Variants in CHD7 observed in about 807,000 individuals in gnomAD.
CHD7 encodes chromodomain helicase DNA binding protein 7.
In CHD7, 24 loss-of-function variants were observed where a neutral mutation model predicts 307.3. The ratio of observed to expected loss-of-function variants is 0.08; its 90% confidence interval spans 0.06 to 0.11. The LOEUF (loss-of-function observed/expected upper bound fraction) is 0.11. CHD7 is among the 10% of genes least tolerant of loss of function. The probability of loss-of-function intolerance (pLI) is 1.00; values close to 1 mark genes in which losing one functional copy is unlikely to be tolerated. For synonymous variants in CHD7, 1,363 were observed against 1,349.9 expected (o/e 1.01, Z -0.21); for missense variants, 3,106 against 3,727.1 (o/e 0.83, Z 4.34).
intron 3 of CHD7, among the ~76,000 whole-genome samples, chr8:60,785,669 C>T (rs1441984419): frequency 6.6e-6 from 1 of 152,106 alleles, no homozygotes; most frequent in Non-Finnish European, 1.5e-5. Context: ...TTATGGTGTA[C>T]TCTTGTATAT....
chr8:60,810,380 A>AGTGT lies in CHD7; in HGVS notation c.2498+2135_2498+2138dup, dbSNP rs112629399. On this transcript the variant is annotated intron_variant, in intron 7 of 37. Coordinates refer to ENST00000423902, the MANE Select transcript of CHD7 (RefSeq NM_017780.4). The stretch of plus-strand genomic sequence containing the variant: ...GTGGATAGGACTGGGAGAGAGAGAG[A>AGTGT]GTGTGTGTGTGTGTGTGTGTGTGTG... Among the ~76,000 whole-genome samples, 699 of 146,068 alleles carry AGTGT rather than the reference A, an allele frequency of 4.8e-3. 6 individuals carry two copies. The highest frequency in any genetic ancestry group is 0.014 in the South Asian group (62 of 4,534).
chr8:60,766,453 A>G (rs1016069793), intron 2 of CHD7, among the ~76,000 whole-genome samples: 2 of 152,214 alleles, frequency 1.3e-5, no homozygotes, highest in Non-Finnish European at 2.9e-5. Context: ...TTGCATTTTG[A>G]AAGAATTGCT....
rs767819417 is a variant in CHD7 at position 60,741,647 on chromosome 8, A to G, written c.215A>G (p.Tyr72Cys). The G allele has an allele frequency of 6.2e-6, 10 of 1,613,704 alleles. No homozygotes were observed. Among genetic ancestry groups the G allele is most frequent in the Admixed American group, 3.3e-5 (2 of 59,984 alleles). Residue 72 changes from tyrosine to cysteine, a missense_variant, in exon 2 of 38, where the codon TAT (tyrosine) becomes TGT (cysteine). Around this residue, in one of 10 missense-constraint regions of CHD7, gnomAD observed 998 missense variants for 1,004.5 expected, o/e 0.99. Coordinates refer to ENST00000423902, the MANE Select transcript of CHD7 (RefSeq NM_017780.4). ...NQTKLTHFDHYNQYEQQKMHL... is the reference protein window; with the variant it reads ...NQTKLTHFDHCNQYEQQKMHL... ...ACAAAGCTGACACATTTTGATCACT[A>G]TAATCAGTATGAACAACAAAAGATG...
At chr8:60,685,526 G>A (rs1198777667) in intron 1 of CHD7, among the ~76,000 whole-genome samples, 2 of 152,200 alleles carry the variant, frequency 1.3e-5, no homozygotes, top group Non-Finnish European at 2.9e-5. Context: ...GTGGGTGGCA[G>A]GTCCCCCATG....
rs183360922 is a variant in CHD7, at chr8:60,685,355, C to G, written c.-175+6273C>G. On this transcript the variant is annotated intron_variant, in intron 1 of 37. Transcript: ENST00000423902. Reference sequence around the variant, plus strand: ...ACATAGCACTTTGCTTGTTACTTGCCTGATACATAGCACTTTGTAGGAGTT... The same window carrying G: ...ACATAGCACTTTGCTTGTTACTTGCGTGATACATAGCACTTTGTAGGAGTT... Among the ~76,000 whole-genome samples the G allele has an allele frequency of 3.5e-3, 529 of 152,322 alleles. 3 individuals carry two copies. The highest frequency in any genetic ancestry group is 4.8e-3 in the Non-Finnish European group (328 of 68,032).
At chr8:60,724,083 C>G (rs1808051735) in intron 1 of CHD7, among the ~76,000 whole-genome samples, 1 of 152,184 alleles carries the variant, frequency 6.6e-6, no homozygotes, top group Non-Finnish European at 1.5e-5. Context: ...TTTTAGCCCT[C>G]ATGTTCAATG....
chr8:60,860,982 C>G lies in CHD7; in HGVS notation c.7687C>G (p.Leu2563Val). Reference sequence around the variant, plus strand: ...AAGAAACATTCCTTCTCCCGGACAGCTGGACCCAGACACACGGATCCCTGT... The same window carrying G: ...AAGAAACATTCCTTCTCCCGGACAGGTGGACCCAGACACACGGATCCCTGT... Reference protein sequence around the residue: ...PTRNIPSPGQLDPDTRIPVIN... With the variant: ...PTRNIPSPGQVDPDTRIPVIN... The change falls in exon 35 of 38, where the codon CTG becomes GTG. Residue 2563 changes from leucine (L) to valine (V), a missense_variant. This residue lies in a region of CHD7 where 1,030 missense variants were observed against 1,165.4 expected (regional missense o/e 0.88). Coordinates refer to ENST00000423902, the MANE Select transcript of CHD7 (RefSeq NM_017780.4). The G allele has an allele frequency of 6.2e-7, 1 of 1,614,002 alleles. No homozygotes were observed. Among genetic ancestry groups the G allele is most frequent in the Middle Eastern group, 1.6e-4 (1 of 6,062 alleles).
At position 60,845,403 on chromosome 8, in the gene CHD7, G is replaced by A; in HGVS notation, c.5204G>A (p.Cys1735Tyr). 1 of 1,613,732 alleles carries A rather than the reference G, an allele frequency of 6.2e-7. No homozygotes were observed. Among genetic ancestry groups the A allele is most frequent in the Non-Finnish European group, 8.5e-7 (1 of 1,179,764 alleles). ...DSYKKHLKHH[C>Y]NKVLLRVRML... ...TACAAGAAACACCTGAAGCATCACT[G>A]TAACAAGTATGTTATTAGAGGGTGG... Residue 1735 changes from cysteine to tyrosine, a missense_variant, in exon 23 of 38, where the codon TGT (cysteine) becomes TAT (tyrosine). Physicochemically the swap from Cys to Tyr is radical, Grantham distance 194 (BLOSUM62 -2). Coordinates refer to ENST00000423902, the MANE Select transcript of CHD7 (RefSeq NM_017780.4).
Position 60,867,909 on chromosome 8 carries a change from C to G in CHD7, c.*1976C>G, listed in dbSNP as rs762991663. On this transcript the variant is annotated 3_prime_UTR_variant, in exon 38 of 38. Transcript: ENST00000423902. ...ATTTTTTGAAAGGGAATTATTTGAA[C>G]ACGGGAAAGTGAAACTAGGTCTGCA... The G allele has an allele frequency of 2.4e-4, 37 of 152,140 alleles. No individual in the cohort carries two copies. The highest frequency in any genetic ancestry group is 5.0e-4 in the Non-Finnish European group (34 of 68,030). 9.4% of individuals were successfully genotyped at this position (152,140 alleles called of 1,614,324 possible).
intron 2 of CHD7, among the ~76,000 whole-genome samples, chr8:60,774,348 A>G (rs933448073): frequency 6.6e-6 from 1 of 152,238 alleles, no homozygotes; most frequent in African/African-American, 2.4e-5. Flanking sequence ...GGAACTGAAG[A>G]TGAGGTATGT....
At chr8:60,846,113 G>A (rs1383027574) in intron 23 of CHD7, among the ~76,000 whole-genome samples, 2 of 152,136 alleles carry the variant, frequency 1.3e-5, no homozygotes, top group African/African-American at 4.8e-5. Flanking sequence ...ATCTGTTGAC[G>A]GACACTTGGG....
At chr8:60,849,411 A>G (rs1313938869) in intron 25 of CHD7, among the ~76,000 whole-genome samples, 4 of 152,234 alleles carry the variant, frequency 2.6e-5, no homozygotes, top group Non-Finnish European at 2.9e-5. Context: ...ATTTGTTTTA[A>G]TAATAGCCAA....
At chr8:60,847,418 C>G (rs1805260640) in intron 23 of CHD7, among the ~76,000 whole-genome samples, 1 of 152,200 alleles carries the variant, frequency 6.6e-6, no homozygotes, top group African/African-American at 2.4e-5. Context: ...TCAGTTTTCC[C>G]ATTTGAAAAC....
At position 60,837,674 on chromosome 8, in the gene CHD7, G is replaced by T; in HGVS notation, c.4192G>T (p.Ala1398Ser). 1 of 1,563,646 alleles carries T rather than the reference G, an allele frequency of 6.4e-7. No homozygotes were observed. Among genetic ancestry groups the T allele is most frequent in the Non-Finnish European group, 8.7e-7 (1 of 1,153,056 alleles). ...AATTTCATTTTTCTTCCAGGCTCAG[G>T]CTAGATGTCATAGAATAGGACAGAG... The part of the protein sequence containing the change: ...WNPQNDLQAQ[A>S]RCHRIGQSKS... Residue 1398 changes from alanine to serine, a missense_variant, in exon 18 of 38, where the codon GCT (alanine) becomes TCT (serine). Around this residue, in one of 10 missense-constraint regions of CHD7, gnomAD observed 93 missense variants for 176.4 expected, o/e 0.53. Transcript: ENST00000423902.
Position 60,844,989 on chromosome 8 carries a change from A to T in CHD7, c.4976A>T (p.Asn1659Ile). 1 of 1,613,994 alleles carries T rather than the reference A, an allele frequency of 6.2e-7. No homozygotes were observed. The highest frequency in any genetic ancestry group is 8.5e-7 in the Non-Finnish European group (1 of 1,179,886). Residue 1659 changes from asparagine (N) to isoleucine (I), a missense_variant, in exon 22 of 38, where the codon AAT (asparagine) becomes ATT (isoleucine). Asn to Ile is a moderately radical substitution (Grantham distance 149). Around this residue, in one of 10 missense-constraint regions of CHD7, gnomAD observed 28 missense variants for 64.7 expected, o/e 0.43. Coordinates refer to ENST00000423902, the MANE Select transcript of CHD7 (RefSeq NM_017780.4). ...CTTAATCATTACAAAGGGGATGAGAATATCAAAAGCTTCATCTGGGATCTG... is the reference window on the plus strand; with the variant it reads ...CTTAATCATTACAAAGGGGATGAGATTATCAAAAGCTTCATCTGGGATCTG... Reference protein sequence around the residue: ...YCLNHYKGDENIKSFIWDLIT... With the variant: ...YCLNHYKGDEIIKSFIWDLIT...
chr8:60,709,296 G>A (rs1017931953), intron 1 of CHD7, among the ~76,000 whole-genome samples: 1 of 152,148 alleles, frequency 6.6e-6, no homozygotes, highest in Non-Finnish European at 1.5e-5. Context: ...AGGGAATCTT[G>A]TGTATGCTTG....
chr8:60,769,147 A>G lies in CHD7; in HGVS notation c.1666-11853A>G, dbSNP rs80353647. Among the ~76,000 whole-genome samples the G allele has an allele frequency of 9.3e-3, 1,412 of 152,350 alleles. 22 individuals are homozygous for G. The highest frequency in any genetic ancestry group is 0.032 in the African/African-American group (1,346 of 41,578). On this transcript the variant is annotated intron_variant, in intron 2 of 37. Transcript: ENST00000423902. ...TTTTCAAAGCGTTCAGGTATTTCCA[A>G]ATAAACTCATGTTTAAGAACTCTAA... is the stretch of plus-strand genomic sequence containing the variant.
rs1339599758 is a variant in CHD7 at position 60,733,588 on chromosome 8, C to G, written c.-174-7671C>G. On this transcript the variant is annotated intron_variant, in intron 1 of 37. Coordinates refer to ENST00000423902, the MANE Select transcript of CHD7 (RefSeq NM_017780.4). ...TTTGAATTGCAGGGTGTAAAGGACA[C>G]AAATTTTCATGATCCTTGTGCTTTT... Among the ~76,000 whole-genome samples, 6 of 152,274 alleles carry G rather than the reference C, an allele frequency of 3.9e-5. No homozygotes were observed. The South Asian group carries it at 1.0e-3, about 26-fold the overall frequency.
intron 1 of CHD7, among the ~76,000 whole-genome samples, chr8:60,726,395 G>A (rs1010721172): frequency 1.3e-5 from 2 of 152,152 alleles, no homozygotes; most frequent in African/African-American, 4.8e-5. Context: ...TCAAGGCCAC[G>A]TAGCCTAGTT....
Sources: gnomAD v4.1 joint callset for allele counts (sites outside exome capture counted in the v4.1 genomes callset) on GRCh38, gnomAD v4.1.1 for gene constraint, gnomAD v4.1.1 regional missense constraint, MANE v1.5 for transcripts, NCBI Gene and HGNC (gene_info 2026-07-23, HGNC 2026-07-21) for gene names.